Variants in RIPOR2 observed in about 807,000 individuals in gnomAD.
RIPOR2 encodes rho family-interacting cell polarization regulator 2.
A neutral mutation model predicts 114.5 loss-of-function variants in RIPOR2; 39 were observed. The observed-to-expected ratio is 0.34, with a 90% CI of 0.26 to 0.44. The LOEUF is 0.44. RIPOR2 is among the 20% of genes least tolerant of loss of function. The probability of loss-of-function intolerance (pLI) is 1.00; values close to 1 mark genes in which losing one functional copy is unlikely to be tolerated. For synonymous variants in RIPOR2, 445 were observed against 484.4 expected, an observed-to-expected ratio of 0.92 and a Z score of 1.07; for missense variants, 1,007 against 1,255.1, an observed-to-expected ratio of 0.80 and a Z score of 2.99.
chr6:25,004,731 G>C (rs1775473733), intron 1 of RIPOR2, among the ~76,000 whole-genome samples: 1 of 152,142 alleles, frequency 6.6e-6, no homozygotes, highest in Non-Finnish European at 1.5e-5. Flanking sequence ...GAGAAGCCAT[G>C]CCATTTTTTT....
chr6:24,825,121 C>G lies in RIPOR2; in HGVS notation c.2868+105G>C, dbSNP rs535078409. On this transcript the variant is annotated intron_variant, in intron 19 of 21. Transcript: ENST00000643898. ...CTTTATGGAGCACACATTATTAATACGCAGAAAAATTATTTTTATAAAGGA... is the reference window on the plus strand; with the variant it reads ...CTTTATGGAGCACACATTATTAATAGGCAGAAAAATTATTTTTATAAAGGA... The G allele has an allele frequency of 3.6e-6, 3 of 834,602 alleles. No individual in the cohort carries two copies. In the South Asian group the frequency reaches 5.5e-5, roughly 15 times the overall value. The allele number at this position is 834,602 out of a possible 1,614,324, so 51.7% of individuals were successfully genotyped here. A position where few individuals can be genotyped will look rare whatever the true frequency, so the allele number is the denominator to read the frequency against.
At position 25,005,732 on chromosome 6, in the gene RIPOR2, T is replaced by C. The variant is rs1176086738; in HGVS notation, c.76+36119A>G. ...ATATATATATATATATATATATATA[T>C]ATATATATACATTTACCGATCAAAA... On this transcript the variant is annotated intron_variant, in intron 1 of 13. Transcript: ENST00000510784. Among the ~76,000 whole-genome samples, 138 of 111,856 alleles carry C rather than the reference T, an allele frequency of 1.2e-3. 9 individuals carry two copies. Among genetic ancestry groups the C allele is most frequent in the African/African-American group, 4.0e-3 (122 of 30,432 alleles). 73.4% of individuals were successfully genotyped at this position (111,856 alleles called of 152,430 possible).
At chr6:24,822,510 A>T (rs548207661) in intron 19 of RIPOR2, among the ~76,000 whole-genome samples, 8 of 151,868 alleles carry the variant, frequency 5.3e-5, no homozygotes, top group Non-Finnish European at 1.0e-4. Flanking sequence ...GTATTTATTT[A>T]TTTTTATTTA....
intron 5 of RIPOR2, 138 bp downstream of exon 5, chr6:24,870,728 G>T: frequency 1.7e-6 from 1 of 593,130 alleles, no homozygotes. Context: ...TGCCCAGGCA[G>T]GTCTCAAACT....
At chr6:24,907,860 A>G (rs535726101) in intron 1 of RIPOR2, among the ~76,000 whole-genome samples, 20 of 152,266 alleles carry the variant, frequency 1.3e-4, no homozygotes, top group African/African-American at 4.8e-4. Context: ...CTTTATAATA[A>G]TCACATTGCA....
intron 1 of RIPOR2, among the ~76,000 whole-genome samples, chr6:24,882,151 T>A (rs1277485610): frequency 3.9e-5 from 6 of 152,130 alleles, no homozygotes; most frequent in Non-Finnish European, 7.4e-5. Context: ...GACGGGGAAA[T>A]GTTTGGAATG....
chr6:24,827,528 A>C (rs1251605296), intron 18 of RIPOR2, among the ~76,000 whole-genome samples: 1 of 152,228 alleles, frequency 6.6e-6, no homozygotes, highest in African/African-American at 2.4e-5. Flanking sequence ...TGGGAACCAG[A>C]AACCAGCCCC....
Position 24,852,233 on chromosome 6 carries a change from G to A in RIPOR2, c.759+342C>T, listed in dbSNP as rs898667142. Reference sequence around the variant, plus strand: ...GCTGAGATCATGCCACTGCACTCCAGCCTGGGCAACAGAGCGAGACTCCAT... The same window carrying A: ...GCTGAGATCATGCCACTGCACTCCAACCTGGGCAACAGAGCGAGACTCCAT... On this transcript the variant is annotated intron_variant, in intron 9 of 21. Coordinates refer to ENST00000643898, the MANE Select transcript of RIPOR2 (RefSeq NM_001286445.3). Among the ~76,000 whole-genome samples the A allele has an allele frequency of 1.6e-4, 24 of 152,038 alleles. 1 individual carries two copies. The highest frequency in any genetic ancestry group is 1.0e-4 in the Non-Finnish European group (7 of 68,006).
At chr6:24,822,472 G>A (rs1759779602) in intron 19 of RIPOR2, among the ~76,000 whole-genome samples, 1 of 151,856 alleles carries the variant, frequency 6.6e-6, no homozygotes, top group Non-Finnish European at 1.5e-5. Flanking sequence ...GTTAATTTTG[G>A]GGTTACTGAA....
At chr6:25,038,127 T>C (rs774254582) in intron 1 of RIPOR2, among the ~76,000 whole-genome samples, 3 of 152,248 alleles carry the variant, frequency 2.0e-5, no homozygotes, top group Non-Finnish European at 4.4e-5. Context: ...TCAACTTTAC[T>C]GAATGTTTGA....
chr6:24,853,368 G>T (rs1273778548), intron 8 of RIPOR2, among the ~76,000 whole-genome samples: 1 of 152,172 alleles, frequency 6.6e-6, no homozygotes, highest in African/African-American at 2.4e-5. Context: ...ACCATCCGAG[G>T]CCATCTCAGG....
At chr6:24,899,026 A>T (rs1006140527) in intron 1 of RIPOR2, among the ~76,000 whole-genome samples, 5 of 148,554 alleles carry the variant, frequency 3.4e-5, no homozygotes, top group Non-Finnish European at 5.9e-5. Flanking sequence ...GAGTTCAAAG[A>T]GGCCTTAGCA....
At chr6:24,875,497 A>G (rs1765631003) in intron 2 of RIPOR2, among the ~76,000 whole-genome samples, 194 bp downstream of exon 2, 1 of 152,232 alleles carries the variant, frequency 6.6e-6, no homozygotes, top group Admixed American at 6.5e-5. Context: ...TCATCCTTGC[A>G]GGAGGAATTC....
intron 1 of RIPOR2, among the ~76,000 whole-genome samples, chr6:24,982,534 G>A (rs919223220): frequency 6.6e-6 from 1 of 152,098 alleles, no homozygotes; most frequent in African/African-American, 2.4e-5. Context: ...ACTTATTCAG[G>A]CACCAAATAT....
chr6:24,826,754 A>G (rs963407642), intron 18 of RIPOR2, among the ~76,000 whole-genome samples: 2 of 152,238 alleles, frequency 1.3e-5, no homozygotes, highest in Non-Finnish European at 2.9e-5. Flanking sequence ...ATAGAACATA[A>G]TATCAAATAA....
chr6:25,010,584 C>A (rs1775738568), intron 1 of RIPOR2, among the ~76,000 whole-genome samples: 1 of 152,108 alleles, frequency 6.6e-6, no homozygotes, highest in African/African-American at 2.4e-5. Flanking sequence ...ATTACTTTTT[C>A]TTGTTAGATG....
chr6:25,012,824 A>G (rs772700035), intron 1 of RIPOR2, among the ~76,000 whole-genome samples: 1 of 152,178 alleles, frequency 6.6e-6, no homozygotes, highest in Non-Finnish European at 1.5e-5. Flanking sequence ...ATGGCTGCTC[A>G]ACTTGGCAAA....
chr6:25,042,026 A>C, upstream of RIPOR2: 1 of 511,110 alleles, frequency 2.0e-6, no homozygotes, highest in South Asian at 2.8e-5. Flanking sequence ...AATGAAAAAG[A>C]AAACTTAACC....
At chr6:24,917,225 A>C (rs1262102698) in intron 1 of RIPOR2, among the ~76,000 whole-genome samples, 1 of 152,204 alleles carries the variant, frequency 6.6e-6, no homozygotes, top group Non-Finnish European at 1.5e-5. Flanking sequence ...GCTTTTAAAA[A>C]ATATTGAGGA....
Sources: gnomAD v4.1 joint callset for allele counts (sites outside exome capture counted in the v4.1 genomes callset) on GRCh38, gnomAD v4.1.1 for gene constraint, MANE v1.5 for transcripts, NCBI Gene and HGNC (gene_info 2026-07-23, HGNC 2026-07-21) for gene names.